The following TTC28 variants were observed in gnomAD, a reference collection of about 807,000 sequenced individuals.
The protein encoded by TTC28 is tetratricopeptide repeat domain 28.
In TTC28, 61 loss-of-function variants were observed where a neutral mutation model predicts 198.0. That is an observed-to-expected ratio of 0.31 (90% confidence interval 0.25 to 0.38). TTC28 has a LOEUF of 0.38. Among genes scored for constraint, TTC28 ranks in the 10% least tolerant of loss-of-function variants. The pLI is 1.00. For missense variants in TTC28, 2,678 were observed against 3,164.0 expected, an observed-to-expected ratio of 0.85 and a Z score of 3.69; for synonymous variants, 1,171 against 1,297.8, an observed-to-expected ratio of 0.90 and a Z score of 2.10.
chr22:28,030,441 A>G, intron 12 of TTC28, 75 bp from the exon 13 acceptor site: 1 of 1,521,492 alleles, frequency 6.6e-7, no homozygotes. Flanking sequence ...CTGAGGTCCT[A>G]TGCCATTCTG....
chr22:28,127,792 A>G (rs1942954122), intron 6 of TTC28, among the ~76,000 whole-genome samples: 1 of 151,860 alleles, frequency 6.6e-6, no homozygotes, highest in Non-Finnish European at 1.5e-5. Context: ...TGATGTGATT[A>G]TGGCCCACTG....
rs1314541419 is a variant in TTC28 at position 28,595,030 on chromosome 22, C to T, written c.381+34522G>A. Among the ~76,000 whole-genome samples, 4 of 152,224 alleles carry T rather than the reference C, an allele frequency of 2.6e-5. No homozygotes were observed. In the East Asian group the frequency reaches 7.7e-4, roughly 29 times the overall value. On this transcript the variant is annotated intron_variant, in intron 2 of 22. Coordinates refer to ENST00000397906, the MANE Select transcript of TTC28 (RefSeq NM_001145418.2). ...CAATGCAAAAAGTCCATGTTGTAGG[C>T]CTTTTAATAACAAGTAGGCCTTTCA...
At chr22:28,192,104 G>A (rs376412484) in intron 5 of TTC28, among the ~76,000 whole-genome samples, 6 of 152,276 alleles carry the variant, frequency 3.9e-5, no homozygotes, top group South Asian at 2.1e-4. Flanking sequence ...CCAGAGGAAC[G>A]ATCAGGCAGC....
intron 12 of TTC28, among the ~76,000 whole-genome samples, chr22:28,044,630 T>C (rs1939791688): frequency 6.6e-6 from 1 of 151,932 alleles, no homozygotes; most frequent in Admixed American, 6.6e-5. Flanking sequence ...CAGTCCCCGG[T>C]ATGTGATGTT....
At chr22:28,426,426 T>C (rs866662037) in intron 2 of TTC28, among the ~76,000 whole-genome samples, 6 of 152,122 alleles carry the variant, frequency 3.9e-5, no homozygotes, top group Non-Finnish European at 5.9e-5. Flanking sequence ...CAGGCTTACA[T>C]AGTCCATTTT....
intron 5 of TTC28, among the ~76,000 whole-genome samples, chr22:28,223,211 C>T (rs1392132902): frequency 1.3e-5 from 2 of 152,126 alleles, no homozygotes; most frequent in African/African-American, 4.8e-5. Flanking sequence ...TTCTTTCCAT[C>T]CCACAAATAC....
intron 2 of TTC28, among the ~76,000 whole-genome samples, chr22:28,334,566 T>C (rs1479295753): frequency 6.6e-6 from 1 of 152,214 alleles, no homozygotes; most frequent in African/African-American, 2.4e-5. Flanking sequence ...AGATGGTATC[T>C]CATTGTGGTT....
At chr22:28,608,677 G>A (rs1268341461) in intron 2 of TTC28, among the ~76,000 whole-genome samples, 1 of 152,122 alleles carries the variant, frequency 6.6e-6, no homozygotes, top group Admixed American at 6.5e-5. Context: ...CTACATAAAT[G>A]GGAAGTGAAG....
intron 2 of TTC28, among the ~76,000 whole-genome samples, chr22:28,354,553 T>C (rs997357294): frequency 1.3e-5 from 2 of 152,144 alleles, no homozygotes; most frequent in African/African-American, 4.8e-5. Context: ...ATTTAATGAC[T>C]AGAGAGTTTC....
At chr22:28,314,760 C>G (rs2045324976) in intron 2 of TTC28, among the ~76,000 whole-genome samples, 1 of 152,072 alleles carries the variant, frequency 6.6e-6, no homozygotes, top group Admixed American at 6.6e-5. Context: ...GTAGTCCTAG[C>G]TACTTGGGAA....
intron 15 of TTC28, chr22:28,001,109 C>A: frequency 2.4e-6 from 1 of 417,632 alleles, no homozygotes; most frequent in Non-Finnish European, 4.4e-6. Context: ...AGCTCCGTAC[C>A]CTGATGTCAC....
chr22:28,424,443 T>TTGGAAC (rs924391734), intron 2 of TTC28, among the ~76,000 whole-genome samples: 3 of 152,320 alleles, frequency 2.0e-5, no homozygotes, highest in South Asian at 2.1e-4. Context: ...ATTAGAATAC[T>TTGGAAC]TGGAACATTG....
intron 2 of TTC28, among the ~76,000 whole-genome samples, chr22:28,523,545 C>G (rs1028610168): frequency 6.6e-6 from 1 of 152,116 alleles, no homozygotes; most frequent in Non-Finnish European, 1.5e-5. Flanking sequence ...GAGGTGGAGA[C>G]GAGGAAAAAA....
intron 3 of TTC28, among the ~76,000 whole-genome samples, chr22:28,304,736 C>T (rs1454963960): frequency 6.6e-6 from 1 of 152,110 alleles, no homozygotes; most frequent in African/African-American, 2.4e-5. Context: ...ACATTCACTC[C>T]AATATTCTAA....
intron 6 of TTC28, among the ~76,000 whole-genome samples, chr22:28,151,138 G>C (rs1304746183): frequency 6.6e-6 from 1 of 152,162 alleles, no homozygotes; most frequent in Non-Finnish European, 1.5e-5. Context: ...TAGAAAGATA[G>C]AGCTGTTGTG....
chr22:28,325,636 C>A lies in TTC28; in HGVS notation c.382-18993G>T, dbSNP rs147245945. ...CTTTATATACAAAGAATTGTGAAAA[C>A]TTACTGGCTAGAAAACACAAAACCC... On this transcript the variant is annotated intron_variant, in intron 2 of 22. Transcript: ENST00000397906. Among the ~76,000 whole-genome samples, 38 of 152,178 alleles carry A rather than the reference C, an allele frequency of 2.5e-4. No homozygotes were observed. In the East Asian group the frequency reaches 6.9e-3, roughly 28 times the overall value.
In TTC28 at chr22:28,233,102, CA is replaced by C. The variant is rs767038801; in HGVS notation, c.933+63095del. Among the ~76,000 whole-genome samples the C allele has an allele frequency of 4.7e-3, 659 of 140,710 alleles. 3 individuals carry two copies. The highest frequency in any genetic ancestry group is 4.0e-3 in the Non-Finnish European group (258 of 64,350). 92.3% of individuals were successfully genotyped at this position (140,710 alleles called of 152,430 possible). On this transcript the variant is annotated intron_variant, in intron 5 of 22. Coordinates refer to ENST00000397906, the MANE Select transcript of TTC28 (RefSeq NM_001145418.2). The stretch of plus-strand genomic sequence containing the variant: ...AGGCAACAAGAGTGAAACTCTGTCT[CA>C]AAAAAAAAAAAATCCATTTTAATTT...
intron 2 of TTC28, among the ~76,000 whole-genome samples, chr22:28,492,167 C>T (rs1260680919): frequency 1.3e-5 from 2 of 151,976 alleles, no homozygotes; most frequent in South Asian, 2.1e-4. Flanking sequence ...TGCTAAATGA[C>T]GAGTTAATGG....
chr22:28,563,931 A>C (rs1421988257), intron 2 of TTC28, among the ~76,000 whole-genome samples: 2 of 152,252 alleles, frequency 1.3e-5, no homozygotes, highest in Non-Finnish European at 2.9e-5. Context: ...ATGAATTGTA[A>C]TATACACACA....
Sources: gnomAD v4.1 joint callset for allele counts (sites outside exome capture counted in the v4.1 genomes callset) on GRCh38, gnomAD v4.1.1 for gene constraint, MANE v1.5 for transcripts, NCBI Gene and HGNC (gene_info 2026-07-23, HGNC 2026-07-21) for gene names.